The following CSGALNACT1 variants were observed in gnomAD, a reference collection of about 807,000 sequenced individuals.
CSGALNACT1 encodes the protein beta4GalNAcT-1.
Under a neutral mutation model 51.0 loss-of-function variants are expected in CSGALNACT1, and 52 were observed. The observed-to-expected ratio is 1.02, with a 90% CI of 0.82 to 1.29. The LOEUF (loss-of-function observed/expected upper bound fraction) is 1.29, where lower values mean the gene tolerates loss of function less well. Among genes scored for constraint, CSGALNACT1 ranks in the 50% most tolerant of loss-of-function variants. The pLI is 0.00. For synonymous variants in CSGALNACT1, 341 were observed against 254.4 expected (o/e 1.34, Z -3.24); for missense variants, 935 against 679.2 (o/e 1.38, Z -4.19).
chr8:19,715,019 C>T (rs1211777639), intron 1 of CSGALNACT1, among the ~76,000 whole-genome samples: 1 of 152,080 alleles, frequency 6.6e-6, no homozygotes, highest in East Asian at 1.9e-4. Flanking sequence ...AAAGACATAC[C>T]TAAGACTGGG....
chr8:19,576,765 G>C (rs1270993717), intron 3 of CSGALNACT1, among the ~76,000 whole-genome samples: 1 of 152,026 alleles, frequency 6.6e-6, no homozygotes, highest in Non-Finnish European at 1.5e-5. Flanking sequence ...CTGCAGGCCA[G>C]AGCCAATACT....
chr8:19,457,837 T>G, intron 5 of CSGALNACT1: 1 of 1,347,450 alleles, frequency 7.4e-7, no homozygotes, highest in Non-Finnish European at 9.8e-7. Flanking sequence ...AAACCCAGCT[T>G]AGTCTCATTG....
chr8:19,446,437 C>G (rs554997946), intron 5 of CSGALNACT1, among the ~76,000 whole-genome samples: 68 of 152,206 alleles, frequency 4.5e-4, no homozygotes, highest in African/African-American at 1.5e-3. Flanking sequence ...CCATAGTCTC[C>G]GTGCACGAGC....
chr8:19,745,997 G>A (rs2064637063), intron 1 of CSGALNACT1, among the ~76,000 whole-genome samples: 1 of 152,156 alleles, frequency 6.6e-6, no homozygotes, highest in Non-Finnish European at 1.5e-5. Context: ...CTCAGACTTG[G>A]TGATCTGGTT....
At chr8:19,475,052 C>G (rs996099132) in intron 4 of CSGALNACT1, among the ~76,000 whole-genome samples, 3 of 151,990 alleles carry the variant, frequency 2.0e-5, no homozygotes, top group Non-Finnish European at 4.4e-5. Flanking sequence ...GCGAGAAATC[C>G]CTAACTCTGC....
chr8:19,408,764 T>G, intron 8 of CSGALNACT1, 70 bp from the exon 8 acceptor site: 1 of 1,369,340 alleles, frequency 7.3e-7, no homozygotes, highest in Non-Finnish European at 1.0e-6. Context: ...CACAAACTCC[T>G]GTGAGCCACC....
At chr8:19,449,657 T>C (rs954030976) in intron 5 of CSGALNACT1, among the ~76,000 whole-genome samples, 4 of 152,218 alleles carry the variant, frequency 2.6e-5, no homozygotes, top group African/African-American at 9.7e-5. Flanking sequence ...ATTTCCTTGA[T>C]ACTGTATTAA....
In CSGALNACT1 at chr8:19,501,382, C is replaced by T. The variant is rs941397505; in HGVS notation, c.634+3819G>A. 4.9e-4 allele frequency among the ~76,000 whole-genome samples: 75 copies of T among 152,236 alleles called. 1 individual carries two copies. The highest frequency in any genetic ancestry group is 1.6e-3 in the African/African-American group (67 of 41,532). On this transcript the variant is annotated intron_variant, in intron 4 of 9. Coordinates refer to ENST00000454498, the Ensembl canonical transcript of CSGALNACT1. The stretch of plus-strand genomic sequence containing the variant: ...CCTAATAATCATCTTTTAAAGGCCC[C>T]AACACTTAATGCTATCACGTTGGCA...
chr8:19,495,898 C>T (rs1377764868), intron 4 of CSGALNACT1, among the ~76,000 whole-genome samples: 3 of 152,154 alleles, frequency 2.0e-5, no homozygotes, highest in African/African-American at 7.2e-5. Flanking sequence ...AAGATATTAC[C>T]TTTGCCTCTC....
At chr8:19,522,677 G>C (rs1223024975) in intron 3 of CSGALNACT1, among the ~76,000 whole-genome samples, 1 of 152,220 alleles carries the variant, frequency 6.6e-6, no homozygotes, top group African/African-American at 2.4e-5. Context: ...CCTTGGTGAA[G>C]TTCTGACCTG....
chr8:19,666,821 GAGAGAGAGAGAGAAAGAA>G (rs1289596383), intron 1 of CSGALNACT1, among the ~76,000 whole-genome samples: 865 of 66,324 alleles, frequency 0.013, 44 homozygotes, highest in Middle Eastern at 0.026. Flanking sequence ...GAGAGAGAGA[GAGAGAGAGAGAGAAAGAA>G]AGAAAGAAAG....
At chr8:19,404,392 C>G (rs1285576799) in exon 10 of CSGALNACT1, 1 of 453,244 alleles carries the variant, frequency 2.2e-6, no homozygotes, top group African/African-American at 2.0e-5. Context: ...TAATAATTTT[C>G]ACATGAATGA....
At chr8:19,421,300 G>A (rs970879092) in intron 6 of CSGALNACT1, among the ~76,000 whole-genome samples, 2 of 152,192 alleles carry the variant, frequency 1.3e-5, no homozygotes, top group African/African-American at 4.8e-5. Context: ...GGATTCCCAG[G>A]CCCCAGGCAG....
intron 1 of CSGALNACT1, among the ~76,000 whole-genome samples, chr8:19,680,581 CAA>C (rs1176336019): frequency 9.1e-6 from 1 of 109,840 alleles, no homozygotes; most frequent in Non-Finnish European, 2.0e-5. Context: ...CCCCCCCCCA[CAA>C]AAAAAGAGAA....
At chr8:19,476,963 C>A (rs2069849212) in intron 4 of CSGALNACT1, among the ~76,000 whole-genome samples, 1 of 152,166 alleles carries the variant, frequency 6.6e-6, no homozygotes, top group African/African-American at 2.4e-5. Context: ...CCCCATGTGT[C>A]CTTTCTGAAT....
At chr8:19,411,149 A>G (rs752219472) in intron 8 of CSGALNACT1, among the ~76,000 whole-genome samples, 16 of 151,910 alleles carry the variant, frequency 1.1e-4, no homozygotes, top group Non-Finnish European at 1.6e-4. Context: ...TTCCCCACAC[A>G]CCACTAAGCT....
At chr8:19,738,466 G>T (rs1563185266) in intron 1 of CSGALNACT1, among the ~76,000 whole-genome samples, 1 of 152,088 alleles carries the variant, frequency 6.6e-6, no homozygotes, top group Admixed American at 6.6e-5. Context: ...TGGTTGTCAG[G>T]GGCTGGAGGA....
In CSGALNACT1 at chr8:19,551,272, C is replaced by A. The variant is rs138946580; in HGVS notation, c.-297+39888G>T. The stretch of plus-strand genomic sequence containing the variant: ...AAAGACTTGCTCATTGATGAGTGAC[C>A]TTTGACCTCAGAGAGCCGGAAACTC... On this transcript the variant is annotated intron_variant, in intron 3 of 9. Coordinates refer to ENST00000454498, the Ensembl canonical transcript of CSGALNACT1. 3.9e-4 allele frequency among the ~76,000 whole-genome samples: 60 copies of A among 152,278 alleles called. 1 individual carries two copies. In the East Asian group the frequency reaches 6.6e-3, roughly 17 times the overall value.
intron 1 of CSGALNACT1, among the ~76,000 whole-genome samples, chr8:19,674,761 G>A (rs1259393348): frequency 6.6e-6 from 1 of 152,170 alleles, no homozygotes; most frequent in Non-Finnish European, 1.5e-5. Flanking sequence ...TTAGGAGGCA[G>A]TGATGGCTCT....
Sources: allele counts gnomAD v4.1 joint callset (sites outside exome capture counted in the v4.1 genomes callset), GRCh38; gene constraint gnomAD v4.1.1; transcripts MANE v1.5; gene names NCBI Gene and HGNC (gene_info 2026-07-23, HGNC 2026-07-21).